Variants in TNFRSF11A observed in about 807,000 individuals in gnomAD.
The protein encoded by TNFRSF11A is tumor necrosis factor receptor superfamily member 11A.
Under a neutral mutation model 55.7 loss-of-function variants are expected in TNFRSF11A, and 32 were observed. That is an observed-to-expected ratio of 0.57 (90% CI 0.43 to 0.77). TNFRSF11A has a LOEUF of 0.77. TNFRSF11A is among the 30% of genes least tolerant of loss of function. The pLI is 0.00. For missense variants in TNFRSF11A, 753 were observed against 809.8 expected (o/e 0.93, Z 0.85); for synonymous variants, 311 against 331.0 (o/e 0.94, Z 0.65).
intron 9 of TNFRSF11A, among the ~76,000 whole-genome samples, chr18:62,375,241 G>A (rs1371611690): frequency 1.3e-5 from 2 of 152,028 alleles, no homozygotes; most frequent in Non-Finnish European, 2.9e-5. Flanking sequence ...AGGAGGTCAG[G>A]ACTGCAGTGA....
chr18:62,352,685 A>AT (rs758450124), intron 3 of TNFRSF11A, among the ~76,000 whole-genome samples: 3 of 152,234 alleles, frequency 2.0e-5, no homozygotes, highest in Non-Finnish European at 4.4e-5. Flanking sequence ...GAGAAGTGGC[A>AT]TGTGTCTGTG....
At chr18:62,349,317 G>A (rs1235039227) in intron 2 of TNFRSF11A, among the ~76,000 whole-genome samples, 1 of 152,116 alleles carries the variant, frequency 6.6e-6, no homozygotes, top group Admixed American at 6.5e-5. Flanking sequence ...AAGTAGCTGG[G>A]ACTACAGTCA....
intron 1 of TNFRSF11A, among the ~76,000 whole-genome samples, chr18:62,341,079 A>T (rs2046303851): frequency 6.6e-6 from 1 of 152,266 alleles, no homozygotes; most frequent in African/African-American, 2.4e-5. Flanking sequence ...ATATTCGATC[A>T]TAATTCGTTT....
rs968949112 is a variant in TNFRSF11A at position 62,383,948 on chromosome 18, G to A, written c.1568-803G>A. 4.6e-5 allele frequency among the ~76,000 whole-genome samples: 7 copies of A among 152,058 alleles called. No homozygotes were observed. The highest frequency in any genetic ancestry group is 1.7e-4 in the African/African-American group (7 of 41,416). On this transcript the variant is annotated intron_variant, in intron 9 of 9. Transcript: ENST00000586569. The surrounding 1 kb of genome is among the most constrained non-coding windows in gnomAD (Gnocchi z 4.2). ...CCAGGGCTGAGTTGTTAGGGACCATGAGGAACCAAGGCACCCACGGTGATG... is the reference window on the plus strand; with the variant it reads ...CCAGGGCTGAGTTGTTAGGGACCATAAGGAACCAAGGCACCCACGGTGATG...
At chr18:62,350,070 C>A in intron 3 of TNFRSF11A, 133 bp downstream of exon 3, 1 of 1,232,146 alleles carries the variant, frequency 8.1e-7, no homozygotes, top group Non-Finnish European at 1.1e-6. Flanking sequence ...CTACACATCC[C>A]AAGAAAGATG....
At chr18:62,367,825 A>C (rs1600404335) in intron 8 of TNFRSF11A, among the ~76,000 whole-genome samples, 1 of 110,932 alleles carries the variant, frequency 9.0e-6, no homozygotes, top group Non-Finnish European at 1.7e-5. Context: ...ACAGAATCTC[A>C]CTCTCTCATC....
chr18:62,348,046 C>G, intron 1 of TNFRSF11A, 122 bp from the exon 2 acceptor site: 1 of 792,704 alleles, frequency 1.3e-6, no homozygotes, highest in South Asian at 1.5e-5. Flanking sequence ...GCAACAAGAG[C>G]GAAACTCCAT....
intron 9 of TNFRSF11A, among the ~76,000 whole-genome samples, chr18:62,384,426 C>G (rs1186179548): frequency 7.1e-6 from 1 of 140,440 alleles, no homozygotes; most frequent in African/African-American, 2.7e-5. Context: ...CCTTCCTCTT[C>G]CTCCACCCTT....
intron 1 of TNFRSF11A, among the ~76,000 whole-genome samples, chr18:62,339,940 T>G (rs536350859): frequency 2.0e-5 from 3 of 152,226 alleles, no homozygotes; most frequent in South Asian, 4.1e-4. Context: ...CCAGCTGTGA[T>G]GAGTGCTTTT....
At position 62,369,295 on chromosome 18, in the gene TNFRSF11A, C is replaced by T. The variant is rs758469956; in HGVS notation, c.1378C>T (p.Leu460Phe). 9 of 1,611,566 alleles carry T rather than the reference C, an allele frequency of 5.6e-6. No individual in the cohort carries two copies. In the South Asian group the frequency reaches 9.9e-5, roughly 18 times the overall value. ...RNPPGEDCEP[L>F]VGSPKRGPLP... ...CCCTCCTGGGGAGGACTGTGAACCC[C>T]TCGTGGGTTCCCCAAAACGTGGACC... Residue 460 changes from leucine (L) to phenylalanine (F), a missense_variant, in exon 9 of 10, where the codon CTC (leucine) becomes TTC (phenylalanine). Leu to Phe is a conservative substitution (Grantham distance 22). This residue lies in a region of TNFRSF11A where 567 missense variants were observed against 596.7 expected (regional missense o/e 0.95). Transcript: ENST00000586569.
In TNFRSF11A at chr18:62,388,089, T is replaced by G. The variant is rs1324498345; in HGVS notation, c.*3055T>G. On this transcript the variant is annotated 3_prime_UTR_variant, in exon 10 of 10. Coordinates refer to ENST00000586569, the MANE Select transcript of TNFRSF11A (RefSeq NM_003839.4). ...TTGATTGGGTCAGTGCACTCCAGTG[T>G]AAAAAAACAAAAATAAAAACCACCA... 6.6e-6 allele frequency: 1 copy of G among 152,148 alleles called. No individual in the cohort carries two copies. Among genetic ancestry groups the G allele is most frequent in the Non-Finnish European group, 1.5e-5 (1 of 68,068 alleles). 9.4% of individuals were successfully genotyped at this position (152,148 alleles called of 1,614,324 possible).
chr18:62,336,630 C>A (rs1432570023), intron 1 of TNFRSF11A: 1 of 152,254 alleles, frequency 6.6e-6, no homozygotes, highest in Non-Finnish European at 1.5e-5. Flanking sequence ...AAAAGGCTTT[C>A]ACACTGGGAG....
chr18:62,354,375 C>A lies in TNFRSF11A; in HGVS notation c.284-16C>A, dbSNP rs757644802. On this transcript the variant is annotated splice_polypyrimidine_tract_variant and intron_variant, in intron 3 of 9. Transcript: ENST00000586569. ...TGCCCCTCCCTGGCCACTGACCTGT[C>A]TCTTGTCTCCCGCAGGCAAGGCCCT... 1.9e-6 allele frequency: 3 copies of A among 1,562,276 alleles called. No individual in the cohort carries two copies. Among genetic ancestry groups the A allele is most frequent in the South Asian group, 2.3e-5 (2 of 86,824 alleles).
At chr18:62,334,421 G>A (rs937662329) in intron 1 of TNFRSF11A, among the ~76,000 whole-genome samples, 11 of 152,076 alleles carry the variant, frequency 7.2e-5, no homozygotes, top group African/African-American at 2.4e-4. Context: ...TCAGAGGGTC[G>A]CATCTCTCCA....
At chr18:62,329,632 A>C (rs2046122453) in intron 1 of TNFRSF11A, among the ~76,000 whole-genome samples, 1 of 152,166 alleles carries the variant, frequency 6.6e-6, no homozygotes, top group Admixed American at 6.5e-5. Flanking sequence ...GTTTCAGCAA[A>C]ATAGCCTTGA....
In TNFRSF11A at chr18:62,369,187, A is replaced by C. The variant is rs1910328533; in HGVS notation, c.1270A>C (p.Lys424Gln). Residue 424 changes from lysine to glutamine, a missense_variant, in exon 9 of 10, where the codon AAA becomes CAA. Transcript: ENST00000586569. ...TPMSSENYLQ[K>Q]EVDSGHCPHW... ...CATGTCCTCTGAAAACTACTTGCAA[A>C]AAGAGGTGGACAGTGGCCATTGCCC... 1 of 1,613,968 alleles carries C rather than the reference A, an allele frequency of 6.2e-7. No individual in the cohort carries two copies. Among genetic ancestry groups the C allele is most frequent in the Non-Finnish European group, 8.5e-7 (1 of 1,180,044 alleles).
intron 9 of TNFRSF11A, among the ~76,000 whole-genome samples, chr18:62,376,611 T>C (rs1264398395): frequency 6.6e-6 from 1 of 152,114 alleles, no homozygotes; most frequent in Non-Finnish European, 1.5e-5. Context: ...TATTGACACA[T>C]TGGGGTCCAC....
chr18:62,359,108 G>C (rs1331876675), intron 5 of TNFRSF11A, among the ~76,000 whole-genome samples: 1 of 151,932 alleles, frequency 6.6e-6, no homozygotes, highest in Non-Finnish European at 1.5e-5. Flanking sequence ...ATTTTCTGCT[G>C]GGCATGGTGG....
At chr18:62,329,399 GCAC>G (rs2046119057) in intron 1 of TNFRSF11A, among the ~76,000 whole-genome samples, 1 of 152,228 alleles carries the variant, frequency 6.6e-6, no homozygotes. Context: ...CCAGCTCAGT[GCAC>G]CCCAGGACTG....
Sources: allele counts gnomAD v4.1 joint callset (sites outside exome capture counted in the v4.1 genomes callset), GRCh38; gene constraint gnomAD v4.1.1; regional missense constraint gnomAD v4.1.1; non-coding constraint Gnocchi (gnomAD v3.1); transcripts MANE v1.5; gene names NCBI Gene and HGNC (gene_info 2026-07-23, HGNC 2026-07-21).